Variants in TCEANC2 observed in about 807,000 individuals in gnomAD.
TCEANC2 encodes transcription elongation factor A N-terminal and central domain-containing protein 2.
In TCEANC2, 20 loss-of-function variants were observed where a neutral mutation model predicts 22.8. The ratio of observed to expected loss-of-function variants is 0.88; its 90% CI spans 0.62 to 1.28. The LOEUF (loss-of-function observed/expected upper bound fraction) is 1.28, where lower values mean the gene tolerates loss of function less well. Ranked by LOEUF, TCEANC2 falls within the 50% of genes most tolerant of loss-of-function variation. TCEANC2 has a pLI of 0.00. For synonymous variants in TCEANC2, 84 were observed against 95.5 expected, an observed-to-expected ratio of 0.88 and a Z score of 0.70; for missense variants, 251 against 249.7, an observed-to-expected ratio of 1.01 and a Z score of -0.03.
chr1:54,109,573 G>T (rs1658810001), downstream of TCEANC2, among the ~76,000 whole-genome samples: 1 of 152,196 alleles, frequency 6.6e-6, no homozygotes, highest in Non-Finnish European at 1.5e-5. Context: ...AGCACATCAG[G>T]CATTTCGTTA....
chr1:54,059,517 G>A (rs1023136253), intron 2 of TCEANC2, among the ~76,000 whole-genome samples: 11 of 152,160 alleles, frequency 7.2e-5, no homozygotes, highest in South Asian at 2.1e-4. Context: ...CACATATTAA[G>A]TGGTCAATAA....
At chr1:54,080,424 G>A (rs1478903376) in intron 3 of TCEANC2, among the ~76,000 whole-genome samples, 2 of 152,160 alleles carry the variant, frequency 1.3e-5, no homozygotes, top group Non-Finnish European at 2.9e-5. Flanking sequence ...GGGATTACAG[G>A]CGTGAGCCAC....
At chr1:54,059,766 A>G (rs1307253935) in intron 2 of TCEANC2, among the ~76,000 whole-genome samples, 2 of 152,192 alleles carry the variant, frequency 1.3e-5, no homozygotes, top group African/African-American at 4.8e-5. Flanking sequence ...TGCCTGCTAC[A>G]CTGTAGGTAA....
chr1:54,083,418 G>A (rs1658283168), intron 3 of TCEANC2, among the ~76,000 whole-genome samples: 1 of 152,134 alleles, frequency 6.6e-6, no homozygotes. Flanking sequence ...GAGATAGAGA[G>A]GAGAAGAGAC....
At chr1:54,063,796 T>A (rs563060694) in intron 2 of TCEANC2, among the ~76,000 whole-genome samples, 1 of 152,328 alleles carries the variant, frequency 6.6e-6, no homozygotes, top group Non-Finnish European at 1.5e-5. Context: ...TTGTAAGTAG[T>A]TTTTATACTG....
intron 3 of TCEANC2, among the ~76,000 whole-genome samples, chr1:54,075,702 G>C (rs571840903): frequency 6.6e-6 from 1 of 152,272 alleles, no homozygotes; most frequent in African/African-American, 2.4e-5. Context: ...TAATAGGCTA[G>C]ATGAAATCCT....
At chr1:54,054,336 G>A in intron 1 of TCEANC2, 45 bp from the exon 2 acceptor site, 2 of 1,556,786 alleles carry the variant, frequency 1.3e-6, no homozygotes, top group Non-Finnish European at 1.7e-6. Flanking sequence ...AAATATCATG[G>A]CAGTCTTTAG....
At chr1:54,060,200 G>GT (rs2100354612) in intron 2 of TCEANC2, among the ~76,000 whole-genome samples, 1 of 152,254 alleles carries the variant, frequency 6.6e-6, no homozygotes, top group South Asian at 2.1e-4. Context: ...GAGGTCAGGA[G>GT]TTTGAGACCA....
intron 2 of TCEANC2, 126 bp downstream of exon 2, chr1:54,054,650 C>CCA: frequency 1.1e-6 from 1 of 921,466 alleles, no homozygotes; most frequent in South Asian, 1.9e-5. Flanking sequence ...GTGTACCTGA[C>CCA]CACTCCTCCT....
chr1:54,082,858 A>G (rs773851895), intron 3 of TCEANC2, among the ~76,000 whole-genome samples: 1 of 152,152 alleles, frequency 6.6e-6, no homozygotes, highest in Admixed American at 6.5e-5. Context: ...GGTATGATCA[A>G]ATTGTGTTTG....
chr1:54,064,900 A>G (rs942271174), intron 2 of TCEANC2, among the ~76,000 whole-genome samples: 6 of 151,932 alleles, frequency 3.9e-5, no homozygotes, highest in African/African-American at 9.7e-5. Flanking sequence ...GGGTTTTGCC[A>G]TGTCGGCCAG....
chr1:54,054,709 C>T (rs1657712888), intron 2 of TCEANC2, among the ~76,000 whole-genome samples, 185 bp downstream of exon 2: 1 of 152,214 alleles, frequency 6.6e-6, no homozygotes, highest in African/African-American at 2.4e-5. Context: ...TTTCTGCACA[C>T]CCCTGCTACA....
At chr1:54,073,957 C>A (rs1658101872) in intron 3 of TCEANC2, among the ~76,000 whole-genome samples, 1 of 152,042 alleles carries the variant, frequency 6.6e-6, no homozygotes, top group South Asian at 2.1e-4. Context: ...CTGATATGGG[C>A]AAGTAGGTGG....
intron 3 of TCEANC2, among the ~76,000 whole-genome samples, chr1:54,072,675 G>A (rs144405946): frequency 3.3e-5 from 5 of 152,148 alleles, no homozygotes; most frequent in Admixed American, 6.5e-5. Flanking sequence ...GATTACAGGC[G>A]TGAGCCATCG....
At chr1:54,082,484 G>T (rs897818664) in intron 3 of TCEANC2, among the ~76,000 whole-genome samples, 1 of 152,172 alleles carries the variant, frequency 6.6e-6, no homozygotes, top group Non-Finnish European at 1.5e-5. Flanking sequence ...GCACTATGCT[G>T]GGGGGCTGGG....
intron 3 of TCEANC2, among the ~76,000 whole-genome samples, chr1:54,070,483 A>G (rs1658036291): frequency 6.6e-6 from 1 of 152,190 alleles, no homozygotes; most frequent in Non-Finnish European, 1.5e-5. Flanking sequence ...AATTGTGAGT[A>G]TGCTTTCAAG....
At chr1:54,056,589 T>C (rs535760445) in intron 2 of TCEANC2, among the ~76,000 whole-genome samples, 1 of 151,988 alleles carries the variant, frequency 6.6e-6, no homozygotes, top group Non-Finnish European at 1.5e-5. Flanking sequence ...CCTCCCAAAG[T>C]GCTGGGATTA....
chr1:54,060,496 G>T (rs927027091), intron 2 of TCEANC2, among the ~76,000 whole-genome samples: 2 of 152,108 alleles, frequency 1.3e-5, no homozygotes, highest in Non-Finnish European at 2.9e-5. Flanking sequence ...TTGAGCTCAG[G>T]AGGTTGAGGC....
intron 3 of TCEANC2, among the ~76,000 whole-genome samples, chr1:54,082,984 T>C (rs1244590941): frequency 6.6e-6 from 1 of 151,928 alleles, no homozygotes; most frequent in Non-Finnish European, 1.5e-5. Context: ...AGAACCTGAA[T>C]CAGGGTAGTA....
Sources: gnomAD v4.1 joint callset for allele counts (sites outside exome capture counted in the v4.1 genomes callset) on GRCh38, gnomAD v4.1.1 for gene constraint, MANE v1.5 for transcripts, NCBI Gene and HGNC (gene_info 2026-07-23, HGNC 2026-07-21) for gene names.